The following RFFL variants were observed in gnomAD, a reference collection of about 807,000 sequenced individuals.
The protein encoded by RFFL is ring finger and FYVE like domain containing E3 ubiquitin protein ligase.
In RFFL, 16 loss-of-function variants were observed where a neutral mutation model predicts 40.4. That is an observed-to-expected ratio of 0.40 (90% CI 0.27 to 0.60). The LOEUF is 0.60. Ranked by LOEUF, RFFL falls within the 20% of genes least tolerant of loss-of-function variation. The pLI is 0.47. For synonymous variants in RFFL, 154 were observed against 167.9 expected, an observed-to-expected ratio of 0.92 and a Z score of 0.64; for missense variants, 367 against 451.7, an observed-to-expected ratio of 0.81 and a Z score of 1.70.
rs2090941488 is a variant in RFFL at position 35,011,962 on chromosome 17, A to G, written c.*6T>C. 6.2e-7 allele frequency: 1 copy of G among 1,613,552 alleles called. No homozygotes were observed. The highest frequency in any genetic ancestry group is 1.7e-5 in the Admixed American group (1 of 60,000). On this transcript the variant is annotated 3_prime_UTR_variant, in exon 7 of 7. Coordinates refer to ENST00000394597, the MANE Select transcript of RFFL (RefSeq NM_001017368.2). ...TGTAAGGCACTGAAGAAACCGATGC[A>G]AGCTCTCAGGACCGGAAGACATGCA...
At chr17:35,031,029 A>G (rs1356199246) in intron 1 of RFFL, among the ~76,000 whole-genome samples, 1 of 152,074 alleles carries the variant, frequency 6.6e-6, no homozygotes, top group Non-Finnish European at 1.5e-5. Context: ...AATAAACCTA[A>G]TAAACCTACA....
chr17:35,068,122 T>C (rs1044639174), upstream of RFFL, among the ~76,000 whole-genome samples: 40 of 152,330 alleles, frequency 2.6e-4, no homozygotes, highest in African/African-American at 8.2e-4. Flanking sequence ...TTAAAGTTCA[T>C]TTGACTCAAC....
intron 5 of RFFL, among the ~76,000 whole-genome samples, 180 bp downstream of exon 5, chr17:35,016,190 G>C (rs566351092): frequency 1.3e-5 from 2 of 152,274 alleles, no homozygotes; most frequent in East Asian, 3.9e-4. Context: ...TACATGCAAT[G>C]CCTAATCTAG....
intron 1 of RFFL, chr17:35,088,968 G>A (rs1018771626): frequency 6.6e-6 from 1 of 152,442 alleles, no homozygotes; most frequent in Non-Finnish European, 1.5e-5. Flanking sequence ...TGTAGGGCAG[G>A]GAGAGTCCCA....
At chr17:35,081,518 C>T (rs1169429397) in intron 1 of RFFL, among the ~76,000 whole-genome samples, 2 of 152,142 alleles carry the variant, frequency 1.3e-5, no homozygotes, top group African/African-American at 4.8e-5. Context: ...AAAAATGGCA[C>T]ACATTTCCTC....
intron 3 of RFFL, among the ~76,000 whole-genome samples, chr17:35,017,865 T>C (rs984625428): frequency 6.6e-6 from 1 of 152,158 alleles, no homozygotes; most frequent in South Asian, 2.1e-4. Context: ...AGGATGGCAG[T>C]AGCCACAACT....
At chr17:35,028,943 T>TA (rs1366863585) in intron 1 of RFFL, among the ~76,000 whole-genome samples, 1 of 152,040 alleles carries the variant, frequency 6.6e-6, no homozygotes, top group Non-Finnish European at 1.5e-5. Context: ...AACTTGCCTG[T>TA]AACCCCCACG....
At chr17:35,024,215 C>G (rs369364003) in intron 2 of RFFL, among the ~76,000 whole-genome samples, 1 of 152,262 alleles carries the variant, frequency 6.6e-6, no homozygotes, top group East Asian at 1.9e-4. Flanking sequence ...AACTGCCCTT[C>G]CCTTGCTCCT....
chr17:35,023,440 A>T (rs1403931487), intron 2 of RFFL, among the ~76,000 whole-genome samples: 3 of 152,242 alleles, frequency 2.0e-5, no homozygotes, highest in East Asian at 3.8e-4. Flanking sequence ...TTCTCCATAC[A>T]GTTATAACCA....
intron 1 of RFFL, among the ~76,000 whole-genome samples, chr17:35,028,937 T>C (rs927366215): frequency 7.2e-5 from 11 of 151,972 alleles, no homozygotes; most frequent in East Asian, 1.9e-4. Flanking sequence ...GCCTGTAACT[T>C]GCCTGTAACC....
upstream of RFFL, among the ~76,000 whole-genome samples, chr17:35,065,961 T>A (rs1051018448): frequency 2.0e-5 from 3 of 151,934 alleles, no homozygotes; most frequent in African/African-American, 7.3e-5. Context: ...GTTCTTTCAA[T>A]ACATTATTTT....
chr17:35,020,147 T>C (rs886867822), intron 3 of RFFL, among the ~76,000 whole-genome samples: 2 of 152,190 alleles, frequency 1.3e-5, no homozygotes, highest in African/African-American at 4.8e-5. Context: ...TTCATTGTTG[T>C]AGGCTCAACA....
At chr17:35,026,675 G>A in intron 1 of RFFL, 114 bp from the exon 2 acceptor site, 2 of 754,686 alleles carry the variant, frequency 2.7e-6, no homozygotes, top group South Asian at 1.7e-5. Flanking sequence ...TGCCACCAAG[G>A]TGGAGGGGAG....
chr17:35,058,335 G>A (rs923720351), intron 1 of RFFL, among the ~76,000 whole-genome samples: 1 of 152,164 alleles, frequency 6.6e-6, no homozygotes, highest in Non-Finnish European at 1.5e-5. Flanking sequence ...TGGTACCTAG[G>A]AGCTTATGCT....
upstream of RFFL, among the ~76,000 whole-genome samples, chr17:35,064,240 C>T (rs1051403852): frequency 2.0e-5 from 3 of 152,094 alleles, no homozygotes; most frequent in African/African-American, 7.2e-5. Flanking sequence ...TCTGACCTCT[C>T]TATTTCTTCA....
chr17:35,031,354 G>GAT (rs2091081851), intron 1 of RFFL, among the ~76,000 whole-genome samples: 1 of 151,964 alleles, frequency 6.6e-6, no homozygotes, highest in Non-Finnish European at 1.5e-5. Flanking sequence ...TGATCCGCCT[G>GAT]CCACGGCCTC....
intron 1 of RFFL, chr17:35,042,100 C>G (rs2142346837): frequency 6.6e-6 from 1 of 152,300 alleles, no homozygotes; most frequent in Middle Eastern, 3.4e-3. Context: ...TCTCCTCTCT[C>G]TGGTCACCCA....
intron 6 of RFFL, among the ~76,000 whole-genome samples, chr17:35,013,867 G>C (rs1376773840): frequency 6.6e-6 from 1 of 151,938 alleles, no homozygotes; most frequent in Non-Finnish European, 1.5e-5. Context: ...GGTGGAGGTG[G>C]GTCTAGAACT....
At chr17:35,027,876 T>C (rs1206642291) in intron 1 of RFFL, among the ~76,000 whole-genome samples, 2 of 149,200 alleles carry the variant, frequency 1.3e-5, no homozygotes, top group Non-Finnish European at 3.0e-5. Flanking sequence ...CTACTAAAAA[T>C]ATAAAAATTA....
Sources: allele counts gnomAD v4.1 joint callset (sites outside exome capture counted in the v4.1 genomes callset), GRCh38; gene constraint gnomAD v4.1.1; transcripts MANE v1.5; gene names NCBI Gene and HGNC (gene_info 2026-07-23, HGNC 2026-07-21).